Variants in DAB1 observed in about 807,000 individuals in gnomAD.
DAB1 encodes DAB adaptor protein 1, also known as disabled homolog 1.
Under a neutral mutation model 64.6 loss-of-function variants are expected in DAB1, and 15 were observed. That is an observed-to-expected ratio of 0.23 (90% CI 0.16 to 0.36). The LOEUF (loss-of-function observed/expected upper bound fraction) is 0.36. Ranked by LOEUF, DAB1 falls within the 10% of genes least tolerant of loss-of-function variation. The pLI is 1.00. For synonymous variants in DAB1, 235 were observed against 251.9 expected (o/e 0.93, Z 0.64); for missense variants, 596 against 706.7 (o/e 0.84, Z 1.78).
intron 5 of DAB1, among the ~76,000 whole-genome samples, chr1:57,933,152 A>G (rs537759591): frequency 1.3e-5 from 2 of 152,366 alleles, no homozygotes; most frequent in South Asian, 4.1e-4. Context: ...TATAACTCTC[A>G]GAGTTGTCCA....
intron 6 of DAB1, among the ~76,000 whole-genome samples, chr1:57,816,527 A>G (rs929624589): frequency 6.6e-6 from 1 of 152,210 alleles, no homozygotes; most frequent in South Asian, 2.1e-4. Context: ...GACTCCTGAA[A>G]TTTTTGATGA....
intron 7 of DAB1, among the ~76,000 whole-genome samples, chr1:57,506,834 A>G (rs950285356): frequency 2.6e-5 from 4 of 152,134 alleles, no homozygotes; most frequent in Non-Finnish European, 5.9e-5. Context: ...ATCTCCTTGA[A>G]GCACTCCATT....
chr1:58,465,172 C>G (rs1031778361), intron 3 of DAB1, among the ~76,000 whole-genome samples: 1 of 152,204 alleles, frequency 6.6e-6, no homozygotes. Context: ...GCATGACAAG[C>G]TGTAAGCAAT....
At chr1:57,367,043 CAAAATAAAATAAAATAAAAT>C (rs148354078) in intron 1 of DAB1, among the ~76,000 whole-genome samples, 4,445 of 91,654 alleles carry the variant, frequency 0.048, 241 homozygotes, top group African/African-American at 0.1. Flanking sequence ...CCTGTCTCCA[CAAAATAAAATAAAATAAAAT>C]AAAATAAAAT....
intron 3 of DAB1, among the ~76,000 whole-genome samples, chr1:58,471,042 T>C (rs1425449876): frequency 6.6e-6 from 1 of 152,172 alleles, no homozygotes; most frequent in Non-Finnish European, 1.5e-5. Flanking sequence ...AATACTATTT[T>C]ATCAGTAGGA....
intron 1 of DAB1, among the ~76,000 whole-genome samples, chr1:57,362,060 A>C (rs553085727): frequency 5.8e-4 from 88 of 152,284 alleles, no homozygotes; most frequent in African/African-American, 2.0e-3. Context: ...AGAGTTAAAC[A>C]ATTATATAGA....
At chr1:57,491,174 A>C (rs2101277570) in intron 7 of DAB1, among the ~76,000 whole-genome samples, 1 of 152,336 alleles carries the variant, frequency 6.6e-6, no homozygotes, top group East Asian at 1.9e-4. Flanking sequence ...CACGCCTGTA[A>C]TCCCAGCACT....
chr1:57,187,902 C>A (rs155303), intron 2 of DAB1, among the ~76,000 whole-genome samples: 1 of 151,824 alleles, frequency 6.6e-6, no homozygotes, highest in African/African-American at 2.4e-5. Context: ...GAGAGAGAGA[C>A]CCCGCAAGGA....
chr1:57,816,914 T>G (rs774768514), intron 6 of DAB1, among the ~76,000 whole-genome samples: 7 of 152,220 alleles, frequency 4.6e-5, no homozygotes, highest in Non-Finnish European at 7.3e-5. Context: ...CCTTTACATA[T>G]CTATGTCCTT....
At chr1:58,358,046 C>T (rs1007600954) in intron 3 of DAB1, among the ~76,000 whole-genome samples, 12 of 152,304 alleles carry the variant, frequency 7.9e-5, no homozygotes, top group African/African-American at 2.9e-4. Flanking sequence ...GCTGCTAAGA[C>T]CTTTCTGCTG....
At chr1:57,774,971 CATTTCTTCTTCT>C (rs1649726394) in intron 6 of DAB1, among the ~76,000 whole-genome samples, 1 of 151,308 alleles carries the variant, frequency 6.6e-6, no homozygotes, top group Non-Finnish European at 1.5e-5. Flanking sequence ...TCAAGTTTTC[CATTTCTTCTTCT>C]ATCAACTTTT....
At chr1:58,042,915 G>A (rs942575479) in intron 5 of DAB1, among the ~76,000 whole-genome samples, 2 of 152,160 alleles carry the variant, frequency 1.3e-5, no homozygotes, top group Non-Finnish European at 2.9e-5. Context: ...TACACTGTGG[G>A]GTGATGGATT....
At chr1:58,492,968 G>C (rs1296068167) in intron 3 of DAB1, among the ~76,000 whole-genome samples, 1 of 152,090 alleles carries the variant, frequency 6.6e-6, no homozygotes. Context: ...AACAAAAAAA[G>C]AGAATTTTAG....
At chr1:57,151,140 TGGAA>T (rs1039570386) in intron 2 of DAB1, among the ~76,000 whole-genome samples, 15 of 152,192 alleles carry the variant, frequency 9.9e-5, no homozygotes, top group African/African-American at 3.6e-4. Context: ...TGAAGCATCT[TGGAA>T]GCCAAGTTAA....
chr1:57,632,871 T>C (rs921035455), intron 7 of DAB1, among the ~76,000 whole-genome samples: 5 of 152,224 alleles, frequency 3.3e-5, no homozygotes, highest in African/African-American at 1.2e-4. Flanking sequence ...GTGTTTTAAA[T>C]GGATCATAAG....
intron 4 of DAB1, among the ~76,000 whole-genome samples, chr1:57,078,187 C>T (rs534801879): frequency 6.6e-6 from 1 of 152,234 alleles, no homozygotes; most frequent in Non-Finnish European, 1.5e-5. Flanking sequence ...TGAAGTGCTC[C>T]CTGGGTTGGC....
Position 57,097,350 on chromosome 1 carries a change from G to T in DAB1, c.307-24936C>A, listed in dbSNP as rs538184383. On this transcript the variant is annotated intron_variant, in intron 4 of 14. Coordinates refer to ENST00000371236, the MANE Select transcript of DAB1 (RefSeq NM_001365792.1). ...GCTGGCAGGGCCACTCATGCACAGA[G>T]TCATACTGAGCCCGAGCTGATGGAT... 2.0e-5 allele frequency among the ~76,000 whole-genome samples: 3 copies of T among 152,286 alleles called. No homozygotes were observed. The South Asian group carries it at 6.2e-4, about 32-fold the overall frequency.
intron 7 of DAB1, among the ~76,000 whole-genome samples, chr1:57,595,626 T>TCC (rs201677742): frequency 4.0e-5 from 6 of 150,986 alleles, no homozygotes; most frequent in Non-Finnish European, 8.9e-5. Flanking sequence ...AGATCTGTGT[T>TCC]CCCCCCCCAC....
chr1:57,218,757 GT>G (rs1666633527), intron 2 of DAB1, among the ~76,000 whole-genome samples: 1 of 152,076 alleles, frequency 6.6e-6, no homozygotes, highest in East Asian at 1.9e-4. Flanking sequence ...GTAACTAAGT[GT>G]CCTCAAGAGA....
Sources: allele counts gnomAD v4.1 joint callset (sites outside exome capture counted in the v4.1 genomes callset), GRCh38; gene constraint gnomAD v4.1.1; transcripts MANE v1.5; gene names NCBI Gene and HGNC (gene_info 2026-07-23, HGNC 2026-07-21).